The following SCG3 variants were observed in gnomAD, a reference collection of about 807,000 sequenced individuals.
SCG3 encodes secretogranin-3.
A neutral mutation model predicts 56.2 loss-of-function variants in SCG3; 38 were observed. That is an observed-to-expected ratio of 0.68 (90% CI 0.52 to 0.89). The LOEUF (loss-of-function observed/expected upper bound fraction) is 0.89, where lower values mean the gene tolerates loss of function less well. Ranked by LOEUF, SCG3 falls within the 40% of genes least tolerant of loss-of-function variation. The pLI is 0.00. For synonymous variants in SCG3, 176 were observed against 184.2 expected (o/e 0.96, Z 0.36); for missense variants, 524 against 540.7 (o/e 0.97, Z 0.31).
At chr15:51,716,412 A>G (rs1025767964) in intron 11 of SCG3, among the ~76,000 whole-genome samples, 1 of 152,214 alleles carries the variant, frequency 6.6e-6, no homozygotes, top group African/African-American at 2.4e-5. Flanking sequence ...TGAAAAACAA[A>G]AATAAAAATG....
intron 11 of SCG3, among the ~76,000 whole-genome samples, chr15:51,715,954 T>A (rs2055452713): frequency 6.6e-6 from 1 of 151,838 alleles, no homozygotes; most frequent in Non-Finnish European, 1.5e-5. Context: ...GCCTCCAGGG[T>A]TCACGCCATT....
At chr15:51,682,053 A>G (rs74724388) in intron 1 of SCG3, among the ~76,000 whole-genome samples, 1,649 of 152,288 alleles carry the variant, frequency 0.011, 30 homozygotes, top group African/African-American at 0.038. Context: ...GGTTGTTTTT[A>G]AAGATCTTAT....
intron 11 of SCG3, among the ~76,000 whole-genome samples, chr15:51,716,603 A>C (rs2055457639): frequency 6.6e-6 from 1 of 152,146 alleles, no homozygotes; most frequent in Admixed American, 6.5e-5. Context: ...CTTACCCATG[A>C]GTGTGGAAAA....
intron 8 of SCG3, among the ~76,000 whole-genome samples, chr15:51,696,278 G>A (rs930182803): frequency 9.9e-5 from 15 of 152,110 alleles, no homozygotes; most frequent in East Asian, 3.9e-4. Context: ...GGCCAGGTGC[G>A]GTGGCTCACA....
intron 4 of SCG3, among the ~76,000 whole-genome samples, chr15:51,685,483 A>G (rs2055222889): frequency 6.6e-6 from 1 of 152,162 alleles, no homozygotes. Flanking sequence ...TGCTAGTCCT[A>G]ATGACTTCAG....
chr15:51,704,219 A>G (rs1046782150), intron 10 of SCG3, among the ~76,000 whole-genome samples: 3 of 131,360 alleles, frequency 2.3e-5, no homozygotes, highest in Admixed American at 8.5e-5. Context: ...ATATATATAT[A>G]TATGTGTGTA....
At position 51,709,693 on chromosome 15, in the gene SCG3, A is replaced by T. The variant is rs1249985977; in HGVS notation, c.1208-3640A>T. Reference sequence around the variant, plus strand: ...TATATATATATATATATATATATATATATATATATTTTTTTTTTTTTTTTT... The same window carrying T: ...TATATATATATATATATATATATATTTATATATATTTTTTTTTTTTTTTTT... On this transcript the variant is annotated intron_variant, in intron 10 of 11. Coordinates refer to ENST00000220478, the MANE Select transcript of SCG3 (RefSeq NM_013243.4). 1.7e-3 allele frequency among the ~76,000 whole-genome samples: 27 copies of T among 15,656 alleles called. 1 individual carries two copies. The highest frequency in any genetic ancestry group is 2.6e-3 in the Non-Finnish European group (21 of 7,972). 10.3% of individuals were successfully genotyped at this position (15,656 alleles called of 152,430 possible).
At chr15:51,717,043 T>C (rs577194408) in intron 11 of SCG3, among the ~76,000 whole-genome samples, 2 of 151,784 alleles carry the variant, frequency 1.3e-5, no homozygotes, top group Admixed American at 6.6e-5. Context: ...CTGGTCAACA[T>C]AGCGAGACCC....
Position 51,695,876 on chromosome 15 carries a change from A to T in SCG3, c.870A>T (p.Glu290Asp), listed in dbSNP as rs1368367014. ...AAGTTATTTTGTTCTTTCATATAGA[A>T]AAAGAAGCAAAAGAGAAAGAAACAC... is the stretch of plus-strand genomic sequence containing the variant. ...FYALLKSIDS[E>D]KEAKEKETLI... Residue 290 changes from glutamate (E) to aspartate (D), a missense_variant and splice_region_variant, in exon 8 of 12, where the codon GAA (glutamate) becomes GAT (aspartate). Glu to Asp is a conservative substitution (Grantham distance 45). Coordinates refer to ENST00000220478, the MANE Select transcript of SCG3 (RefSeq NM_013243.4). 6.4e-7 allele frequency: 1 copy of T among 1,567,840 alleles called. No individual in the cohort carries two copies. The highest frequency in any genetic ancestry group is 1.1e-5 in the South Asian group (1 of 88,932).
chr15:51,703,216 T>C (rs1338210088), intron 10 of SCG3, among the ~76,000 whole-genome samples: 2 of 152,172 alleles, frequency 1.3e-5, no homozygotes, highest in Non-Finnish European at 2.9e-5. Flanking sequence ...TTGAAGAAAT[T>C]GGCCCACTTA....
intron 11 of SCG3, among the ~76,000 whole-genome samples, chr15:51,715,989 T>C (rs927859418): frequency 9.2e-5 from 14 of 152,002 alleles, no homozygotes; most frequent in African/African-American, 2.9e-4. Context: ...TCCCAAGTAG[T>C]TGGGACTACA....
intron 10 of SCG3, among the ~76,000 whole-genome samples, chr15:51,704,246 T>TAC (rs1268931268): frequency 0.01 from 1,013 of 97,060 alleles, 9 homozygotes; most frequent in African/African-American, 0.024. Context: ...CATACATACA[T>TAC]ATATATATAT....
chr15:51,709,984 C>T (rs1480431170), intron 10 of SCG3, among the ~76,000 whole-genome samples: 1 of 149,588 alleles, frequency 6.7e-6, no homozygotes, highest in East Asian at 2.0e-4. Flanking sequence ...GATCCGCCCG[C>T]CTCGGCCTCC....
intron 7 of SCG3, chr15:51,693,324 A>G (rs987151438): frequency 1.3e-5 from 2 of 152,224 alleles, no homozygotes; most frequent in Admixed American, 6.5e-5. Flanking sequence ...ATCTTTATGA[A>G]CAGTTTCAGT....
At chr15:51,690,308 A>C (rs1005263633) in intron 6 of SCG3, among the ~76,000 whole-genome samples, 2 of 152,114 alleles carry the variant, frequency 1.3e-5, no homozygotes, top group Admixed American at 6.5e-5. Context: ...CAAGCTGTTG[A>C]GATCTTTCTC....
Position 51,699,329 on chromosome 15 carries a change from T to G in SCG3, c.996T>G (p.Asp332Glu). Residue 332 changes from aspartate to glutamate, a missense_variant, in exon 9 of 12, where the codon GAT becomes GAG. Coordinates refer to ENST00000220478, the MANE Select transcript of SCG3 (RefSeq NM_013243.4). ...CCTTCCTCCCTCCAGAAAACTTGGA[T>G]GAAATGATTGCTCTTCAGACCAAAA... The part of the protein sequence containing the change: ...EEGVSYLENL[D>E]EMIALQTKNK... The G allele has an allele frequency of 6.2e-7, 1 of 1,604,072 alleles. No individual in the cohort carries two copies. The highest frequency in any genetic ancestry group is 8.5e-7 in the Non-Finnish European group (1 of 1,177,050).
chr15:51,683,099 C>A lies in SCG3; in HGVS notation c.156C>A (p.Asp52Glu). 2 of 1,609,744 alleles carry A rather than the reference C, an allele frequency of 1.2e-6. No individual in the cohort carries two copies. Among genetic ancestry groups the A allele is most frequent in the Non-Finnish European group, 1.7e-6 (2 of 1,178,440 alleles). Reference protein sequence around the residue: ...LNEQIAEAEEDKIKKTYPPEN... With the variant: ...LNEQIAEAEEEKIKKTYPPEN... ...CACAGATTGCTGAAGCAGAAGAAGA[C>A]AAGATTAAAAAAACATATCCTCCAG... is the stretch of plus-strand genomic sequence containing the variant. The change falls in exon 3 of 12, where the codon GAC (aspartate) becomes GAA (glutamate). Residue 52 changes from aspartate to glutamate, a missense_variant. Transcript: ENST00000220478.
intron 4 of SCG3, among the ~76,000 whole-genome samples, chr15:51,686,705 A>T (rs72730939): frequency 0.078 from 2,625 of 33,848 alleles, 43 homozygotes; most frequent in East Asian, 0.27. Context: ...GTTTGTTTGT[A>T]TGTTTGTTTG....
At chr15:51,696,985 T>C (rs2055308049) in intron 8 of SCG3, among the ~76,000 whole-genome samples, 2 of 152,200 alleles carry the variant, frequency 1.3e-5, no homozygotes, top group African/African-American at 4.8e-5. Context: ...TAAATGAAAG[T>C]AGTTTTACTG....
Sources: allele counts gnomAD v4.1 joint callset (sites outside exome capture counted in the v4.1 genomes callset), GRCh38; gene constraint gnomAD v4.1.1; transcripts MANE v1.5; gene names NCBI Gene and HGNC (gene_info 2026-07-23, HGNC 2026-07-21).